Variants in LRCH1 observed in about 807,000 individuals in gnomAD.
LRCH1 encodes the protein leucine-rich repeat and calponin homology domain-containing protein 1.
A neutral mutation model predicts 94.9 loss-of-function variants in LRCH1; 23 were observed. The observed-to-expected ratio is 0.24, with a 90% CI of 0.17 to 0.34. The LOEUF is 0.34. Ranked by LOEUF, LRCH1 falls within the 10% of genes least tolerant of loss-of-function variation. LRCH1 has a pLI of 1.00. For missense variants in LRCH1, 790 were observed against 945.9 expected (o/e 0.84, Z 2.16); for synonymous variants, 364 against 354.9 (o/e 1.03, Z -0.29).
At chr13:46,696,642 C>T (rs1871207424) in intron 9 of LRCH1, among the ~76,000 whole-genome samples, 1 of 152,120 alleles carries the variant, frequency 6.6e-6, no homozygotes, top group Non-Finnish European at 1.5e-5. Context: ...CAAAGGCTTT[C>T]TGGAAGATAC....
At chr13:46,653,664 A>G (rs184050184) in intron 2 of LRCH1, among the ~76,000 whole-genome samples, 49 of 145,284 alleles carry the variant, frequency 3.4e-4, no homozygotes, top group African/African-American at 1.1e-3. Flanking sequence ...GTCTCTACTG[A>G]AAAAAAAAAT....
intron 1 of LRCH1, among the ~76,000 whole-genome samples, chr13:46,561,253 G>A (rs868605121): frequency 4.6e-5 from 7 of 152,120 alleles, no homozygotes; most frequent in African/African-American, 9.7e-5. Context: ...TTAAGTAATC[G>A]GGGACAGGTT....
At chr13:46,702,879 G>T (rs980698309) in intron 11 of LRCH1, among the ~76,000 whole-genome samples, 5 of 152,192 alleles carry the variant, frequency 3.3e-5, no homozygotes, top group Admixed American at 6.5e-5. Context: ...TGCTTCTGAT[G>T]TGCAGCCAGG....
intron 1 of LRCH1, among the ~76,000 whole-genome samples, chr13:46,646,479 C>CA (rs1381645781): frequency 6.6e-6 from 1 of 152,178 alleles, no homozygotes; most frequent in Non-Finnish European, 1.5e-5. Context: ...TTTCCAGACA[C>CA]AATCTACTTA....
chr13:46,555,745 C>T (rs182490324), intron 1 of LRCH1, among the ~76,000 whole-genome samples: 2 of 152,186 alleles, frequency 1.3e-5, no homozygotes, highest in East Asian at 3.9e-4. Flanking sequence ...AAGTCAACCC[C>T]ATCAGAAAAG....
intron 9 of LRCH1, among the ~76,000 whole-genome samples, chr13:46,698,741 ATAAGT>A (rs1212553684): frequency 5.9e-5 from 9 of 152,360 alleles, no homozygotes; most frequent in African/African-American, 2.2e-4. Context: ...ATTTCTGATG[ATAAGT>A]TAACAGATGC....
At chr13:46,607,769 A>G (rs1056940239) in intron 1 of LRCH1, among the ~76,000 whole-genome samples, 4 of 151,896 alleles carry the variant, frequency 2.6e-5, no homozygotes, top group Non-Finnish European at 5.9e-5. Context: ...GTCATTTATT[A>G]TCTATTAACC....
At chr13:46,596,279 G>T (rs959515174) in intron 1 of LRCH1, among the ~76,000 whole-genome samples, 2 of 152,196 alleles carry the variant, frequency 1.3e-5, no homozygotes, top group Non-Finnish European at 2.9e-5. Flanking sequence ...AATGAACACC[G>T]AGGAAAGCTT....
intron 3 of LRCH1, among the ~76,000 whole-genome samples, chr13:46,679,616 T>C (rs1354124379): frequency 1.3e-5 from 2 of 152,196 alleles, no homozygotes; most frequent in Non-Finnish European, 2.9e-5. Context: ...GGAAGTGTTT[T>C]TCTCAAACTT....
chr13:46,705,421 A>G (rs1307728512), intron 13 of LRCH1, 117 bp downstream of exon 13: 2 of 951,026 alleles, frequency 2.1e-6, no homozygotes, highest in Non-Finnish European at 3.5e-6. Context: ...TGAGGCCAAT[A>G]TTCAGATTTG....
chr13:46,705,240 C>CTTTTTTTT (rs11483731), intron 12 of LRCH1, 28 bp from the exon 13 acceptor site: 10 of 1,511,680 alleles, frequency 6.6e-6, no homozygotes, highest in African/African-American at 4.2e-5. Context: ...CACTTTGTAT[C>CTTTTTTTT]TTTTTTTTTC....
chr13:46,662,811 G>A (rs1215398854), intron 2 of LRCH1, among the ~76,000 whole-genome samples: 1 of 152,214 alleles, frequency 6.6e-6, no homozygotes, highest in African/African-American at 2.4e-5. Context: ...TATGGTGCAG[G>A]TATGCATAGG....
At chr13:46,692,140 G>A (rs1870931226) in intron 7 of LRCH1, among the ~76,000 whole-genome samples, 1 of 152,168 alleles carries the variant, frequency 6.6e-6, no homozygotes, top group African/African-American at 2.4e-5. Context: ...GAGATTTGGA[G>A]GGGACATACA....
At chr13:46,554,875 C>G (rs540831876) in intron 1 of LRCH1, among the ~76,000 whole-genome samples, 3 of 152,324 alleles carry the variant, frequency 2.0e-5, no homozygotes, top group African/African-American at 7.2e-5. Context: ...CAGGGTCAGA[C>G]CCCCTGGGTC....
Position 46,743,436 on chromosome 13 carries a change from CTAAT to C in LRCH1, c.*1592_*1595del. On this transcript the variant is annotated 3_prime_UTR_variant, in exon 20 of 20. Transcript: ENST00000389797. ...GAAATGCAGGGTATGTGGAAGTTATCTAATTAACCTCAGTTGTATATGAATAACC... is the reference window on the plus strand; with the variant it reads ...GAAATGCAGGGTATGTGGAAGTTATCTAACCTCAGTTGTATATGAATAACC... 1 of 985,740 alleles carries C rather than the reference CTAAT, an allele frequency of 1.0e-6. No homozygotes were observed. Among genetic ancestry groups the C allele is most frequent in the Non-Finnish European group, 1.2e-6 (1 of 829,930 alleles). The allele number at this position is 985,740 out of a possible 1,614,324, so 61.1% of individuals were successfully genotyped here. A position where few individuals can be genotyped will look rare whatever the true frequency, so the allele number is the denominator to read the frequency against.
intron 2 of LRCH1, among the ~76,000 whole-genome samples, chr13:46,654,909 G>T (rs1003213225): frequency 6.6e-6 from 1 of 152,138 alleles, no homozygotes; most frequent in African/African-American, 2.4e-5. Context: ...CACAGATTTT[G>T]TCTGTCTGTA....
intron 2 of LRCH1, 91 bp from the exon 3 acceptor site, chr13:46,668,939 C>T (rs1286954306): frequency 2.3e-5 from 31 of 1,370,612 alleles, no homozygotes; most frequent in Non-Finnish European, 1.9e-5. Context: ...TCTCAGATCA[C>T]TCCTTTTTCC....
At chr13:46,685,338 T>C (rs985299016) in intron 4 of LRCH1, among the ~76,000 whole-genome samples, 3 of 152,230 alleles carry the variant, frequency 2.0e-5, no homozygotes, top group African/African-American at 7.2e-5. Flanking sequence ...GAAGACTTTT[T>C]AAAAGCTGTA....
At chr13:46,627,471 A>G (rs1161153730) in intron 1 of LRCH1, among the ~76,000 whole-genome samples, 1 of 44,294 alleles carries the variant, frequency 2.3e-5, no homozygotes, top group Non-Finnish European at 3.6e-5. Context: ...CAGATAAAAA[A>G]ATCGAGAAGT....
Sources: allele counts gnomAD v4.1 joint callset (sites outside exome capture counted in the v4.1 genomes callset), GRCh38; gene constraint gnomAD v4.1.1; transcripts MANE v1.5; gene names NCBI Gene and HGNC (gene_info 2026-07-23, HGNC 2026-07-21).